TMEM232: variants seen among roughly 807,000 people sequenced by gnomAD.
TMEM232 encodes transmembrane protein 232.
In TMEM232, 80 loss-of-function variants were observed where a neutral mutation model predicts 78.8. That is an observed-to-expected ratio of 1.01 (90% CI 0.85 to 1.22). The LOEUF is 1.22. Ranked by LOEUF, TMEM232 falls within the 50% of genes most tolerant of loss-of-function variation. The pLI, the probability that TMEM232 is intolerant of heterozygous loss-of-function variation, is 0.00. For synonymous variants in TMEM232, 297 were observed against 254.3 expected, an observed-to-expected ratio of 1.17 and a Z score of -1.60; for missense variants, 881 against 742.2, an observed-to-expected ratio of 1.19 and a Z score of -2.17.
intron 3 of TMEM232, among the ~76,000 whole-genome samples, chr5:110,395,815 C>T (rs992837253): frequency 3.9e-5 from 6 of 152,108 alleles, no homozygotes; most frequent in African/African-American, 7.2e-5. Flanking sequence ...GTGCAACTTC[C>T]GCAAATGTCT....
intron 2 of TMEM232, chr5:110,666,530 G>A (rs931456659): frequency 9.9e-5 from 15 of 151,936 alleles, no homozygotes; most frequent in African/African-American, 3.6e-4. Flanking sequence ...GTATATTTAG[G>A]TCCTGTTGCT....
chr5:110,696,989 A>T (rs999604344), intron 1 of TMEM232, among the ~76,000 whole-genome samples: 1 of 152,214 alleles, frequency 6.6e-6, no homozygotes, highest in Non-Finnish European at 1.5e-5. Flanking sequence ...CGCATTGCCA[A>T]GTCAATTCTG....
intron 7 of TMEM232, among the ~76,000 whole-genome samples, chr5:110,620,633 CTCTCTCCTCTCTCCT>C (rs2149905430): frequency 1.1e-5 from 1 of 94,262 alleles, no homozygotes; most frequent in African/African-American, 4.0e-5. Context: ...CTCTCTCTCT[CTCTCTCCTCTCTCCT>C]CTCTCTCTCT....
chr5:110,583,273 A>G (rs1300595543), intron 10 of TMEM232, among the ~76,000 whole-genome samples: 2 of 152,114 alleles, frequency 1.3e-5, no homozygotes, highest in African/African-American at 4.8e-5. Flanking sequence ...ATAAATTAAA[A>G]CAGTACCAGC....
At chr5:110,519,064 T>C (rs970103281) in intron 12 of TMEM232, among the ~76,000 whole-genome samples, 1 of 151,988 alleles carries the variant, frequency 6.6e-6, no homozygotes, top group Non-Finnish European at 1.5e-5. Context: ...ACAGAAATAA[T>C]TACAGGACCA....
At chr5:110,692,319 G>T (rs896777362) in intron 1 of TMEM232, among the ~76,000 whole-genome samples, 3 of 152,200 alleles carry the variant, frequency 2.0e-5, no homozygotes, top group African/African-American at 7.2e-5. Flanking sequence ...TAAGGTGAGG[G>T]TGGAGCCAAG....
intron 5 of TMEM232, among the ~76,000 whole-genome samples, chr5:110,634,827 G>A (rs189349245): frequency 6.6e-6 from 1 of 151,746 alleles, no homozygotes; most frequent in Non-Finnish European, 1.5e-5. Flanking sequence ...ATTAGTAGAA[G>A]ATGACAAATA....
At position 110,606,155 on chromosome 5, in the gene TMEM232, C is replaced by A; in HGVS notation, c.1026+9G>T. The A allele has an allele frequency of 6.5e-7, 1 of 1,530,090 alleles. No homozygotes were observed. The highest frequency in any genetic ancestry group is 8.8e-7 in the Non-Finnish European group (1 of 1,134,214). The allele number at this position is 1,530,090 out of a possible 1,614,324, so 94.8% of individuals were successfully genotyped here. A position where few individuals can be genotyped will look rare whatever the true frequency, so the allele number is the denominator to read the frequency against. On this transcript the variant is annotated intron_variant, in intron 9 of 13. Coordinates refer to ENST00000455884, the MANE Select transcript of TMEM232 (RefSeq NM_001039763.4). Reference sequence around the variant, plus strand: ...GGTTCTCTTTTCACATATAAATTAGCAATGTTACCTGATTTTGAACAGACA... The same window carrying A: ...GGTTCTCTTTTCACATATAAATTAGAAATGTTACCTGATTTTGAACAGACA...
intron 12 of TMEM232, among the ~76,000 whole-genome samples, chr5:110,526,246 C>A (rs181484949): frequency 6.7e-6 from 1 of 148,540 alleles, no homozygotes; most frequent in Non-Finnish European, 1.5e-5. Context: ...AATGACTATA[C>A]GGCAAAAAAA....
intron 8 of TMEM232, among the ~76,000 whole-genome samples, chr5:110,617,027 G>T (rs531160839): frequency 6.6e-6 from 1 of 152,140 alleles, no homozygotes; most frequent in Non-Finnish European, 1.5e-5. Context: ...ATCAACCTAC[G>T]TGTCACACTG....
At chr5:110,618,376 T>G in intron 8 of TMEM232, 53 bp downstream of exon 8, 3 of 1,539,588 alleles carry the variant, frequency 1.9e-6, no homozygotes, top group Non-Finnish European at 8.7e-7. Flanking sequence ...ATTTAACATT[T>G]AAGCACAAAG....
chr5:110,590,540 G>C (rs186512618), intron 10 of TMEM232, among the ~76,000 whole-genome samples: 1 of 151,944 alleles, frequency 6.6e-6, no homozygotes, highest in Non-Finnish European at 1.5e-5. Context: ...TGAAGCAGTT[G>C]CATCAAAACC....
intron 12 of TMEM232, among the ~76,000 whole-genome samples, chr5:110,434,177 A>T (rs1459120951): frequency 6.6e-6 from 1 of 151,144 alleles, no homozygotes; most frequent in East Asian, 1.9e-4. Flanking sequence ...AAAAAAAAAA[A>T]CTTGGTTCTT....
At chr5:110,457,108 C>T (rs905788625) in intron 12 of TMEM232, among the ~76,000 whole-genome samples, 1 of 151,994 alleles carries the variant, frequency 6.6e-6, no homozygotes, top group Non-Finnish European at 1.5e-5. Context: ...AGAATATTTA[C>T]AAAACAAATC....
intron 10 of TMEM232, among the ~76,000 whole-genome samples, chr5:110,602,428 A>G (rs750437154): frequency 3.9e-5 from 6 of 152,074 alleles, no homozygotes; most frequent in Non-Finnish European, 7.4e-5. Flanking sequence ...AGAATCTACA[A>G]GGAACTGGAA....
At chr5:110,606,425 T>A in intron 8 of TMEM232, 138 bp from the exon 9 acceptor site, 2 of 966,862 alleles carry the variant, frequency 2.1e-6, no homozygotes, top group Non-Finnish European at 2.9e-6. Flanking sequence ...CAATAAAGAT[T>A]AGTATTGCTT....
chr5:110,698,483 A>G (rs1031542778), intron 1 of TMEM232, among the ~76,000 whole-genome samples: 2 of 152,068 alleles, frequency 1.3e-5, no homozygotes, highest in Non-Finnish European at 2.9e-5. Flanking sequence ...CTTTTACTTA[A>G]CCTTTAGGTT....
chr5:110,716,222 C>G (rs182840911), intron 1 of TMEM232, among the ~76,000 whole-genome samples: 1 of 152,082 alleles, frequency 6.6e-6, no homozygotes, highest in Non-Finnish European at 1.5e-5. Context: ...TATTTTACAG[C>G]AGGGGGCCCC....
At chr5:110,546,728 T>A (rs1297551031) in intron 11 of TMEM232, among the ~76,000 whole-genome samples, 1 of 151,808 alleles carries the variant, frequency 6.6e-6, no homozygotes, top group Non-Finnish European at 1.5e-5. Context: ...TCACATGGAG[T>A]AGTGAGAGAG....
Sources: allele counts gnomAD v4.1 joint callset (sites outside exome capture counted in the v4.1 genomes callset), GRCh38; gene constraint gnomAD v4.1.1; transcripts MANE v1.5; gene names NCBI Gene and HGNC (gene_info 2026-07-23, HGNC 2026-07-21).